FAM118B: variants seen among roughly 807,000 people sequenced by gnomAD.
The protein encoded by FAM118B is SIR2 antiphage like 1.
FAM118B carries 24 observed loss-of-function variants against 38.5 expected under a neutral mutation model. That is an observed-to-expected ratio of 0.62 (90% CI 0.45 to 0.88). The LOEUF (loss-of-function observed/expected upper bound fraction) is 0.88, where lower values mean the gene tolerates loss of function less well. Among genes scored for constraint, FAM118B ranks in the 40% least tolerant of loss-of-function variants. The pLI, the probability that FAM118B is intolerant of heterozygous loss-of-function variation, is 0.00. For missense variants in FAM118B, 334 were observed against 420.0 expected (o/e 0.80, Z 1.79); for synonymous variants, 138 against 156.3 (o/e 0.88, Z 0.87).
intron 3 of FAM118B, among the ~76,000 whole-genome samples, chr11:126,238,254 C>G (rs775521680): frequency 6.6e-6 from 1 of 151,882 alleles, no homozygotes; most frequent in Non-Finnish European, 1.5e-5. Flanking sequence ...CCCAGCTACT[C>G]GGGAGGCTGA....
intron 1 of FAM118B, 82 bp downstream of exon 1, chr11:126,211,912 C>G (rs141727702): frequency 5.0e-4 from 243 of 489,856 alleles, no homozygotes; most frequent in African/African-American, 4.1e-3. Context: ...CCCGGGATTT[C>G]CGTTCAAGAA....
In FAM118B at chr11:126,256,217, G is replaced by C. The variant is rs958417557; in HGVS notation, c.697-350G>C. Among the ~76,000 whole-genome samples, 4 of 152,152 alleles carry C rather than the reference G, an allele frequency of 2.6e-5. No individual in the cohort carries two copies. The highest frequency in any genetic ancestry group is 9.7e-5 in the African/African-American group (4 of 41,426). ...GGTGGTGGAGGTTGCAGTAAGCCGA[G>C]GTCACACCACTACACTCTAGCCCAG... On this transcript the variant is annotated intron_variant, in intron 6 of 8. Coordinates refer to ENST00000533050, the MANE Select transcript of FAM118B (RefSeq NM_024556.4). This position sits in a 1 kb window ranked among gnomAD's most constrained non-coding sequence, Gnocchi z 6.6.
At chr11:126,239,854 C>T (rs951120883) in intron 3 of FAM118B, among the ~76,000 whole-genome samples, 15 of 152,088 alleles carry the variant, frequency 9.9e-5, no homozygotes, top group Non-Finnish European at 4.4e-5. Context: ...TGCAGAAGCT[C>T]GGGTTAGGGA....
rs1950544432 is a variant in FAM118B at position 126,254,291 on chromosome 11, T to A, written c.568-14T>A. 6.2e-7 allele frequency: 1 copy of A among 1,612,958 alleles called. No individual in the cohort carries two copies. The highest frequency in any genetic ancestry group is 1.1e-5 in the South Asian group (1 of 90,928). On this transcript the variant is annotated splice_polypyrimidine_tract_variant and intron_variant, in intron 5 of 8. Coordinates refer to ENST00000533050, the MANE Select transcript of FAM118B (RefSeq NM_024556.4). ...GCCCTGCCAAGCTGGTTGGGCTATA[T>A]GTGTGTTGTGCAGGTCCTCGAGTGG...
rs1455452114 is a variant in FAM118B, at chr11:126,241,554, A to AT, written c.339+513dup. Among the ~76,000 whole-genome samples, 40 of 151,720 alleles carry AT rather than the reference A, an allele frequency of 2.6e-4. 2 individuals are homozygous for AT. The highest frequency in any genetic ancestry group is 9.2e-4 in the African/African-American group (38 of 41,322). On this transcript the variant is annotated intron_variant, in intron 4 of 8. Transcript: ENST00000533050. ...GCTTTGTCTGAAAATTTATTTATTT[A>AT]TTTATTTATTTTTTGATGGAATCTT...
chr11:126,259,628 T>C (rs979144300), intron 7 of FAM118B, among the ~76,000 whole-genome samples: 4 of 151,288 alleles, frequency 2.6e-5, no homozygotes, highest in African/African-American at 4.9e-5. Context: ...GGTTTCACCA[T>C]GTTGGCCAGG....
rs748038243 is a variant in FAM118B, at chr11:126,249,473, C to CT, written c.340-1032dup. Among the ~76,000 whole-genome samples, 88 of 142,758 alleles carry CT rather than the reference C, an allele frequency of 6.2e-4. 1 individual carries two copies. The highest frequency in any genetic ancestry group is 1.1e-3 in the Admixed American group (15 of 13,896). The allele number at this position is 142,758 out of a possible 152,430, so 93.7% of individuals were successfully genotyped here. On this transcript the variant is annotated intron_variant, in intron 4 of 8. Coordinates refer to ENST00000533050, the MANE Select transcript of FAM118B (RefSeq NM_024556.4). ...TGAGGCTGGGTGTGGTAGCTCACAC[C>CT]TGTAATCCCAGCACTTTGGGAGGCT...
Position 126,256,706 on chromosome 11 carries a change from G to A in FAM118B, c.836G>A (p.Arg279Gln), listed in dbSNP as rs757341764. The A allele has an allele frequency of 2.0e-5, 32 of 1,614,050 alleles. No individual in the cohort carries two copies. The highest frequency in any genetic ancestry group is 4.4e-5 in the South Asian group (4 of 91,082). Residue 279 changes from arginine (R) to glutamine (Q), a missense_variant, in exon 7 of 9, where the codon CGG (arginine) becomes CAG (glutamine). This residue lies in a region of FAM118B where 88 missense variants were observed against 98.1 expected (regional missense o/e 0.90). Coordinates refer to ENST00000533050, the MANE Select transcript of FAM118B (RefSeq NM_024556.4). This position sits in a 1 kb window ranked among gnomAD's most constrained non-coding sequence, Gnocchi z 6.6. ...GACCTAGAACATTTCATGCTGGTTC[G>A]GAGAGGAGACGTAGATGAGTTCAAA... ...KSDLEHFMLV[R>Q]RGDVDEFKKL... is the part of the protein sequence containing the mutation.
At chr11:126,258,872 A>T (rs981327599) in intron 7 of FAM118B, among the ~76,000 whole-genome samples, 20 of 152,270 alleles carry the variant, frequency 1.3e-4, no homozygotes, top group African/African-American at 4.6e-4. Context: ...GTTGCATTAC[A>T]TAACAAAGAA....
At chr11:126,214,504 T>TTTTTTTTG (rs1565322397) in intron 1 of FAM118B, 2 of 42,464 alleles carry the variant, frequency 4.7e-5, no homozygotes, top group Non-Finnish European at 5.1e-5. Context: ...TTTTTTTTTG[T>TTTTTTTTG]TTTTTTTTTG....
intron 3 of FAM118B, 73 bp from the exon 4 acceptor site, chr11:126,240,719 G>A (rs927959173): frequency 3.3e-5 from 47 of 1,437,106 alleles, no homozygotes; most frequent in Non-Finnish European, 4.4e-5. Flanking sequence ...ACTGTAACCT[G>A]AGTCAGACAG....
intron 4 of FAM118B, among the ~76,000 whole-genome samples, chr11:126,249,154 C>CTT (rs779054624): frequency 3.9e-5 from 6 of 152,134 alleles, no homozygotes; most frequent in Non-Finnish European, 8.8e-5. Context: ...GGGAGGATCA[C>CTT]TTGAGATCCC....
chr11:126,254,170 C>T, intron 5 of FAM118B, 135 bp from the exon 6 acceptor site: 1 of 1,058,174 alleles, frequency 9.5e-7, no homozygotes, highest in Non-Finnish European at 1.3e-6. Context: ...TCAGGTTTTG[C>T]ATTCTTGTCC....
At chr11:126,226,635 A>G (rs548565634) in intron 1 of FAM118B, among the ~76,000 whole-genome samples, 2 of 152,368 alleles carry the variant, frequency 1.3e-5, no homozygotes, top group East Asian at 1.9e-4. Context: ...AGGAAATGCA[A>G]CTACCTCTTT....
At chr11:126,232,318 G>C (rs1251750398) in intron 2 of FAM118B, among the ~76,000 whole-genome samples, 1 of 152,178 alleles carries the variant, frequency 6.6e-6, no homozygotes, top group East Asian at 1.9e-4. Flanking sequence ...TTGAATACTG[G>C]TACTACCAAG....
chr11:126,213,239 C>G (rs1004429470), intron 1 of FAM118B, among the ~76,000 whole-genome samples: 3 of 151,964 alleles, frequency 2.0e-5, no homozygotes, highest in Admixed American at 6.6e-5. Context: ...TTTGAATTGT[C>G]TTATTTCTGT....
In FAM118B at chr11:126,256,925, A is replaced by G; in HGVS notation, c.982+73A>G. 7.0e-7 allele frequency: 1 copy of G among 1,431,948 alleles called. No homozygotes were observed. Among genetic ancestry groups the G allele is most frequent in the Non-Finnish European group, 9.5e-7 (1 of 1,052,976 alleles). The allele number at this position is 1,431,948 out of a possible 1,614,324, so 88.7% of individuals were successfully genotyped here. ...CAGCCTTTTGTGTATTTGTGATGTG[A>G]TGGGCAAAATAGTTGCCAAGATGAG... On this transcript the variant is annotated intron_variant, in intron 7 of 8. Coordinates refer to ENST00000533050, the MANE Select transcript of FAM118B (RefSeq NM_024556.4). The surrounding 1 kb of genome is among the most constrained non-coding windows in gnomAD (Gnocchi z 6.6).
chr11:126,235,898 A>G (rs972906682), intron 3 of FAM118B, among the ~76,000 whole-genome samples: 3 of 133,252 alleles, frequency 2.3e-5, no homozygotes, highest in African/African-American at 1.2e-4. Flanking sequence ...CGTAACGATT[A>G]TGTTTCCTTT....
intron 4 of FAM118B, among the ~76,000 whole-genome samples, chr11:126,247,898 T>TATACGTATATCTATATAG (rs1251968980): frequency 4.1e-5 from 6 of 145,184 alleles, no homozygotes; most frequent in African/African-American, 1.5e-4. Flanking sequence ...TATATATAGA[T>TATACGTATATCTATATAG]ATACGTATAT....
Sources: gnomAD v4.1 joint callset for allele counts (sites outside exome capture counted in the v4.1 genomes callset) on GRCh38, gnomAD v4.1.1 for gene constraint, gnomAD v4.1.1 regional missense constraint, Gnocchi (gnomAD v3.1) non-coding constraint, MANE v1.5 for transcripts, NCBI Gene and HGNC (gene_info 2026-07-23, HGNC 2026-07-21) for gene names.